Variants in SND1 observed in about 807,000 individuals in gnomAD.
The protein encoded by SND1 is staphylococcal nuclease domain-containing protein 1.
A neutral mutation model predicts 121.7 loss-of-function variants in SND1; 38 were observed. The ratio of observed to expected loss-of-function variants is 0.31; its 90% confidence interval spans 0.24 to 0.41. SND1 has a LOEUF of 0.41. Among genes scored for constraint, SND1 ranks in the 10% least tolerant of loss-of-function variants. SND1 has a pLI of 1.00. For missense variants in SND1, 868 were observed against 1,184.6 expected (o/e 0.73, Z 3.92); for synonymous variants, 401 against 447.4 (o/e 0.90, Z 1.31).
intron 15 of SND1, among the ~76,000 whole-genome samples, chr7:127,972,315 G>A (rs1802012133): frequency 6.6e-6 from 1 of 152,046 alleles, no homozygotes; most frequent in Non-Finnish European, 1.5e-5. Flanking sequence ...AAGCTGGAGT[G>A]CAGTGGCACA....
At chr7:127,728,642 C>A (rs1218976424) in intron 10 of SND1, among the ~76,000 whole-genome samples, 2 of 152,266 alleles carry the variant, frequency 1.3e-5, no homozygotes, top group Non-Finnish European at 2.9e-5. Context: ...AGTCTCACCT[C>A]TACCAAGGCC....
chr7:127,762,562 G>A (rs1036156946), intron 10 of SND1, among the ~76,000 whole-genome samples: 3 of 152,192 alleles, frequency 2.0e-5, no homozygotes, highest in African/African-American at 7.2e-5. Context: ...CTTGCTTAGG[G>A]TTAGGTCTTC....
At chr7:127,889,767 A>G (rs1012463982) in intron 13 of SND1, among the ~76,000 whole-genome samples, 2 of 152,076 alleles carry the variant, frequency 1.3e-5, no homozygotes, top group Non-Finnish European at 1.5e-5. Flanking sequence ...AAGTCAGAAC[A>G]TGCAGTGTTT....
chr7:127,990,942 C>T lies in SND1; in HGVS notation c.1670-5C>T, dbSNP rs1373868068. On this transcript the variant is annotated splice_polypyrimidine_tract_variant and splice_region_variant and intron_variant, in intron 15 of 23. Coordinates refer to ENST00000354725, the MANE Select transcript of SND1 (RefSeq NM_014390.4). ...ATCACAGATTCTACTTTTCTCCTGA[C>T]ACAGGCATTGAATGCCCCAGAGGAG... 2 of 1,608,914 alleles carry T rather than the reference C, an allele frequency of 1.2e-6. No homozygotes were observed. The highest frequency in any genetic ancestry group is 1.1e-5 in the South Asian group (1 of 90,632).
chr7:128,060,151 A>G (rs530336288), intron 16 of SND1, among the ~76,000 whole-genome samples: 1 of 152,260 alleles, frequency 6.6e-6, no homozygotes, highest in African/African-American at 2.4e-5. Context: ...CCTGAAGGTG[A>G]TGGCTTAGCA....
intron 8 of SND1, among the ~76,000 whole-genome samples, chr7:127,706,590 G>A (rs1195984484): frequency 6.6e-6 from 1 of 152,202 alleles, no homozygotes; most frequent in East Asian, 1.9e-4. Context: ...GAAAGTGAAT[G>A]CAATGAAAAT....
intron 15 of SND1, among the ~76,000 whole-genome samples, chr7:127,941,182 C>G (rs1584682475): frequency 6.6e-6 from 1 of 152,208 alleles, no homozygotes; most frequent in East Asian, 1.9e-4. Context: ...AAATGACCCT[C>G]TTAATCTAGA....
At chr7:128,072,435 G>A (rs940172304) in intron 16 of SND1, among the ~76,000 whole-genome samples, 3 of 152,170 alleles carry the variant, frequency 2.0e-5, no homozygotes, top group Non-Finnish European at 2.9e-5. Context: ...GCTCAGTGTT[G>A]GCTGGGAACT....
At chr7:127,892,287 A>G (rs961512371) in intron 13 of SND1, among the ~76,000 whole-genome samples, 3 of 152,064 alleles carry the variant, frequency 2.0e-5, no homozygotes, top group Non-Finnish European at 2.9e-5. Flanking sequence ...ATATCATTTC[A>G]TGGGCGCTCA....
At position 128,074,588 on chromosome 7, in the gene SND1, G is replaced by A. The variant is rs200114441; in HGVS notation, c.1866G>A (p.Leu622=). The A allele has an allele frequency of 1.2e-6, 2 of 1,613,818 alleles. No homozygotes were observed. Among genetic ancestry groups the A allele is most frequent in the African/African-American group, 2.7e-5 (2 of 75,066 alleles). Residue 622 remains leucine (L), a synonymous_variant, in exon 17 of 24, where the codon CTG becomes CTA. Coordinates refer to ENST00000354725, the MANE Select transcript of SND1 (RefSeq NM_014390.4). ...ACGGTGCCAACCTGTCCGTCCTGCT[G>A]GTGGAGCACGCGCTCTCCAAGGTCC... The part of the protein sequence containing the change: ...HIDGANLSVL[L]VEHALSKVHF...
At chr7:127,895,870 A>T (rs1335246720) in intron 13 of SND1, among the ~76,000 whole-genome samples, 1 of 152,072 alleles carries the variant, frequency 6.6e-6, no homozygotes, top group Non-Finnish European at 1.5e-5. Context: ...CACTCCCTCC[A>T]TCCCATCCTT....
intron 1 of SND1, among the ~76,000 whole-genome samples, chr7:127,667,842 G>A (rs973252527): frequency 1.3e-5 from 2 of 149,552 alleles, no homozygotes; most frequent in South Asian, 2.1e-4. Flanking sequence ...ACAGTGCTTA[G>A]AATAGGTCTT....
At chr7:127,767,118 C>A (rs1274115118) in intron 10 of SND1, among the ~76,000 whole-genome samples, 2 of 152,036 alleles carry the variant, frequency 1.3e-5, no homozygotes, top group African/African-American at 4.8e-5. Flanking sequence ...CTTACTCATC[C>A]TACTTCTCAT....
At chr7:127,739,496 T>C (rs1796837725) in intron 10 of SND1, among the ~76,000 whole-genome samples, 1 of 152,196 alleles carries the variant, frequency 6.6e-6, no homozygotes, top group Non-Finnish European at 1.5e-5. Flanking sequence ...TGCCCTCCCC[T>C]GGCCTGCATC....
Position 127,721,423 on chromosome 7 carries a change from G to A in SND1, c.1152+23G>A, listed in dbSNP as rs552264130. The A allele has an allele frequency of 2.3e-5, 32 of 1,415,086 alleles. No individual in the cohort carries two copies. In the East Asian group the frequency reaches 3.0e-4, roughly 13 times the overall value. 87.7% of individuals were successfully genotyped at this position (1,415,086 alleles called of 1,614,324 possible). A position where few individuals can be genotyped will look rare whatever the true frequency, so the allele number is the denominator to read the frequency against. Reference sequence around the variant, plus strand: ...CAGGTGAGAATAGGGAAGCAGCCGCGCCTCTTTGCATAAACCAAAAGGAAG... The same window carrying A: ...CAGGTGAGAATAGGGAAGCAGCCGCACCTCTTTGCATAAACCAAAAGGAAG... On this transcript the variant is annotated intron_variant, in intron 10 of 23. Coordinates refer to ENST00000354725, the MANE Select transcript of SND1 (RefSeq NM_014390.4).
intron 10 of SND1, among the ~76,000 whole-genome samples, chr7:127,753,587 C>T (rs1797141484): frequency 6.6e-6 from 1 of 152,130 alleles, no homozygotes; most frequent in East Asian, 1.9e-4. Flanking sequence ...GCAAGAGAGG[C>T]TCCTAGGGTG....
chr7:127,797,783 A>C (rs182258842), intron 10 of SND1, among the ~76,000 whole-genome samples: 22 of 152,156 alleles, frequency 1.4e-4, no homozygotes, highest in African/African-American at 5.3e-4. Flanking sequence ...TTGCAGTAGT[A>C]TTTGTAGCTA....
intron 15 of SND1, among the ~76,000 whole-genome samples, chr7:127,932,064 C>A (rs765488504): frequency 7.2e-5 from 11 of 152,176 alleles, no homozygotes; most frequent in Non-Finnish European, 1.3e-4. Flanking sequence ...TCAAACCTTA[C>A]TATTTAAGAA....
chr7:127,796,397 G>C (rs1465138775), intron 10 of SND1, among the ~76,000 whole-genome samples: 1 of 152,010 alleles, frequency 6.6e-6, no homozygotes, highest in African/African-American at 2.4e-5. Context: ...TTTTTAGATA[G>C]GTCTTTCTAT....
Sources: allele counts gnomAD v4.1 joint callset (sites outside exome capture counted in the v4.1 genomes callset), GRCh38; gene constraint gnomAD v4.1.1; transcripts MANE v1.5; gene names NCBI Gene and HGNC (gene_info 2026-07-23, HGNC 2026-07-21).